Variants in FAM98B observed in about 807,000 individuals in gnomAD.
The protein encoded by FAM98B is tRNA splicing ligase complex subunit 3B, also known as tRNA-splicing ligase complex subunit FAM98B.
Under a neutral mutation model 43.9 loss-of-function variants are expected in FAM98B, and 32 were observed. The observed-to-expected ratio is 0.73, with a 90% CI of 0.55 to 0.98. The LOEUF is 0.98. FAM98B is among the 50% of genes least tolerant of loss of function. The pLI, the probability that FAM98B is intolerant of heterozygous loss-of-function variation, is 0.00. For missense variants in FAM98B, 514 were observed against 522.9 expected (o/e 0.98, Z 0.17); for synonymous variants, 190 against 174.0 (o/e 1.09, Z -0.72).
At chr15:38,476,668 G>C (rs1038401499) in intron 6 of FAM98B, among the ~76,000 whole-genome samples, 1 of 143,062 alleles carries the variant, frequency 7.0e-6, no homozygotes, top group Non-Finnish European at 1.5e-5. Flanking sequence ...ATATATTTTG[G>C]TATGCTATCA....
rs1420173261 is a variant in FAM98B at position 38,468,077 on chromosome 15, C to T, written c.353-2150C>T. Among the ~76,000 whole-genome samples the T allele has an allele frequency of 2.0e-5, 3 of 152,198 alleles. No individual in the cohort carries two copies. The South Asian group carries it at 6.2e-4, about 32-fold the overall frequency. On this transcript the variant is annotated intron_variant, in intron 3 of 7. Transcript: ENST00000397609. ...GGAAGAAGGCTTAATTTTCCCTCTA[C>T]TGCTTACTATCTGCATGGATTAGCA... is the stretch of plus-strand genomic sequence containing the variant.
At position 38,464,062 on chromosome 15, in the gene FAM98B, C is replaced by A. The variant is rs1889991148; in HGVS notation, c.102C>A (p.Ala34=). 6.2e-7 allele frequency: 1 copy of A among 1,612,374 alleles called. No homozygotes were observed. The highest frequency in any genetic ancestry group is 1.3e-5 in the African/African-American group (1 of 74,842). ...GYKGPLLEEQ[A]LTKAAEGGLS... ...AAGGACCATTGTTAGAAGAGCAAGC[C>A]CTTACAAAGGCGGCAGAGGGTGGAT... The change falls in exon 2 of 8, where the codon GCC becomes GCA. Residue 34 remains alanine (A), a synonymous_variant. Coordinates refer to ENST00000397609, the MANE Select transcript of FAM98B (RefSeq NM_173611.4).
In FAM98B at chr15:38,484,599, T is replaced by TG; in HGVS notation, c.1244dup (p.Gly416ArgfsTer16). 1.6e-6 allele frequency: 2 copies of TG among 1,227,996 alleles called. No individual in the cohort carries two copies. The highest frequency in any genetic ancestry group is 3.1e-4 in the Middle Eastern group (1 of 3,234). The allele number at this position is 1,227,996 out of a possible 1,614,324, so 76.1% of individuals were successfully genotyped here. A position where few individuals can be genotyped will look rare whatever the true frequency, so the allele number is the denominator to read the frequency against. ...GTGGAAGAGGCTATGGAGATCCATATGGAGGAGGTGGTGGTGGTGGTGGTG... is the reference window on the plus strand; with the variant it reads ...GTGGAAGAGGCTATGGAGATCCATATGGGAGGAGGTGGTGGTGGTGGTGGTG... On this transcript the variant is annotated frameshift_variant, in exon 8 of 8. Coordinates refer to ENST00000397609, the MANE Select transcript of FAM98B (RefSeq NM_173611.4). LOFTEE classifies it high-confidence loss of function.
At chr15:38,474,992 T>C (rs2141059332) in intron 6 of FAM98B, among the ~76,000 whole-genome samples, 1 of 152,330 alleles carries the variant, frequency 6.6e-6, no homozygotes, top group South Asian at 2.1e-4. Flanking sequence ...TCCAGTTTTT[T>C]AGTTGTTTCA....
At chr15:38,478,639 C>G (rs915377273) in intron 6 of FAM98B, among the ~76,000 whole-genome samples, 6 of 152,020 alleles carry the variant, frequency 3.9e-5, no homozygotes, top group African/African-American at 7.2e-5. Context: ...GTAATAAAAT[C>G]CTTGACAGCT....
Position 38,481,360 on chromosome 15 carries a change from T to A in FAM98B, c.798T>A (p.Ile266=), listed in dbSNP as rs778623343. 6.2e-7 allele frequency: 1 copy of A among 1,614,204 alleles called. No homozygotes were observed. Among genetic ancestry groups the A allele is most frequent in the East Asian group, 2.2e-5 (1 of 44,878 alleles). Residue 266 remains isoleucine, a synonymous_variant, in exon 7 of 8, where the codon ATT becomes ATA. Coordinates refer to ENST00000397609, the MANE Select transcript of FAM98B (RefSeq NM_173611.4). ...ATGCTTTGTCACCCAAGACAACGAT[T>A]ACAATGGCACATCTACTTGCTGCTC... ...KRYALSPKTT[I]TMAHLLAARE... is the part of the protein sequence containing the mutation.
At chr15:38,463,626 C>G (rs553785735) in intron 1 of FAM98B, among the ~76,000 whole-genome samples, 212 of 151,922 alleles carry the variant, frequency 1.4e-3, no homozygotes, top group African/African-American at 4.5e-3. Flanking sequence ...TAATTTGTGT[C>G]TGTGCTTTTT....
chr15:38,459,289 T>C, intron 1 of FAM98B: 1 of 496,834 alleles, frequency 2.0e-6, no homozygotes, highest in East Asian at 5.6e-5. Flanking sequence ...GACACGTCCC[T>C]GGGATCCGAT....
rs1890161590 is a variant in FAM98B at position 38,474,056 on chromosome 15, A to T, written c.613-126A>T. ...ATAATTTACCATAAAGTCTCATGGGAACAGAAAATGGTCAGTAAGTACATC... is the reference window on the plus strand; with the variant it reads ...ATAATTTACCATAAAGTCTCATGGGTACAGAAAATGGTCAGTAAGTACATC... On this transcript the variant is annotated intron_variant, in intron 5 of 7. Transcript: ENST00000397609. 8.0e-6 allele frequency: 5 copies of T among 628,746 alleles called. No homozygotes were observed. The South Asian group carries it at 1.0e-4, about 13-fold the overall frequency. 38.9% of individuals were successfully genotyped at this position (628,746 alleles called of 1,614,324 possible).
intron 5 of FAM98B, 109 bp from the exon 6 acceptor site, chr15:38,474,073 A>AAGT: frequency 1.4e-6 from 1 of 692,142 alleles, no homozygotes; most frequent in Non-Finnish European, 2.5e-6. Context: ...AATGGTCAGT[A>AAGT]AGTACATCTT....
intron 1 of FAM98B, 126 bp downstream of exon 1, chr15:38,454,358 A>G: frequency 1.1e-6 from 1 of 944,772 alleles, no homozygotes; most frequent in Non-Finnish European, 1.6e-6. Context: ...CCCTGCCTCG[A>G]TCCCTCCGGC....
rs1363468576 is a variant in FAM98B at position 38,484,623 on chromosome 15, T to C, written c.1266T>C (p.Gly422=). 4 of 1,074,974 alleles carry C rather than the reference T, an allele frequency of 3.7e-6. No homozygotes were observed. In the Admixed American group the frequency reaches 9.2e-5, roughly 25 times the overall value. The allele number at this position is 1,074,974 out of a possible 1,614,324, so 66.6% of individuals were successfully genotyped here. A position where few individuals can be genotyped will look rare whatever the true frequency, so the allele number is the denominator to read the frequency against. ...DPYGGGGGGG[G]GGGGGGGYRR... ...ATGGAGGAGGTGGTGGTGGTGGTGG[T>C]GGTGGTGGTGGAGGAGGTGGATATA... Residue 422 remains glycine (G), a synonymous_variant, in exon 8 of 8, where the codon GGT becomes GGC. Coordinates refer to ENST00000397609, the MANE Select transcript of FAM98B (RefSeq NM_173611.4).
chr15:38,484,524 CA>C lies in FAM98B; in HGVS notation c.1168del (p.Arg390GlyfsTer50), dbSNP rs759401328. ...GGGGRGGFQG[R>X]GDYGGRGGYG... Reference sequence around the variant, plus strand: ...GAGGTGGTAGAGGAGGTTTCCAAGGCAGGGGAGATTATGGTGGAAGAGGGGG... The same window carrying C: ...GAGGTGGTAGAGGAGGTTTCCAAGGCGGGGAGATTATGGTGGAAGAGGGGG... On this transcript the variant is annotated frameshift_variant, in exon 8 of 8. Transcript: ENST00000397609. LOFTEE classifies it high-confidence loss of function. 1.5e-6 allele frequency: 2 copies of C among 1,324,284 alleles called. No individual in the cohort carries two copies. Among genetic ancestry groups the C allele is most frequent in the Non-Finnish European group, 1.9e-6 (2 of 1,049,132 alleles). The allele number at this position is 1,324,284 out of a possible 1,614,324, so 82.0% of individuals were successfully genotyped here. A position where few individuals can be genotyped will look rare whatever the true frequency, so the allele number is the denominator to read the frequency against.
At chr15:38,481,188 C>A in intron 6 of FAM98B, 104 bp from the exon 7 acceptor site, 1 of 929,652 alleles carries the variant, frequency 1.1e-6, no homozygotes, top group Non-Finnish European at 1.6e-6. Context: ...TAACTCCTTG[C>A]TTATGCATTA....
At chr15:38,458,993 C>T (rs1008113536) in intron 1 of FAM98B, 2 of 373,144 alleles carry the variant, frequency 5.4e-6, no homozygotes, top group African/African-American at 2.1e-5. Flanking sequence ...CCACAGGACT[C>T]ATGGAATAGG....
chr15:38,481,224 T>G, intron 6 of FAM98B, 68 bp from the exon 7 acceptor site: 1 of 1,348,168 alleles, frequency 7.4e-7, no homozygotes, highest in Non-Finnish European at 1.0e-6. Context: ...TTCTAAAGAT[T>G]ATGATTGTTT....
chr15:38,470,426 TC>T, intron 4 of FAM98B, 21 bp downstream of exon 4: 2 of 1,565,362 alleles, frequency 1.3e-6, no homozygotes, highest in South Asian at 1.2e-5. Flanking sequence ...TGTTTTATTT[TC>T]CCCAAAATTC....
chr15:38,484,163 G>T, intron 7 of FAM98B, 92 bp from the exon 8 acceptor site: 2 of 1,128,894 alleles, frequency 1.8e-6, no homozygotes, highest in Non-Finnish European at 2.5e-6. Context: ...CTTAAATATT[G>T]GCTTCTGTTT....
At chr15:38,476,918 G>A (rs192766599) in intron 6 of FAM98B, among the ~76,000 whole-genome samples, 1 of 152,020 alleles carries the variant, frequency 6.6e-6, no homozygotes, top group East Asian at 1.9e-4. Flanking sequence ...TTGAGCCCAG[G>A]AGTTTGAGGC....
Sources: allele counts gnomAD v4.1 joint callset (sites outside exome capture counted in the v4.1 genomes callset), GRCh38; gene constraint gnomAD v4.1.1; transcripts MANE v1.5; gene names NCBI Gene and HGNC (gene_info 2026-07-23, HGNC 2026-07-21).